HDAC9: variants seen among roughly 807,000 people sequenced by gnomAD.
HDAC9 encodes the protein MEF-2 interacting transcription repressor (MITR) protein.
In HDAC9, 41 loss-of-function variants were observed where a neutral mutation model predicts 139.4. That is an observed-to-expected ratio of 0.29 (90% confidence interval 0.23 to 0.38). HDAC9 has a LOEUF of 0.38. HDAC9 is among the 10% of genes least tolerant of loss of function. The pLI is 1.00. For missense variants in HDAC9, 1,147 were observed against 1,297.0 expected, an observed-to-expected ratio of 0.88 and a Z score of 1.78; for synonymous variants, 517 against 476.2, an observed-to-expected ratio of 1.09 and a Z score of -1.12.
chr7:18,123,585 C>A (rs535815473), intron 1 of HDAC9, among the ~76,000 whole-genome samples: 3 of 152,130 alleles, frequency 2.0e-5, no homozygotes, highest in Non-Finnish European at 4.4e-5. Flanking sequence ...TAGAATTTCA[C>A]TGGAGTAGAA....
chr7:18,170,029 T>C (rs1054094139), intron 2 of HDAC9, among the ~76,000 whole-genome samples: 3 of 152,188 alleles, frequency 2.0e-5, no homozygotes, highest in African/African-American at 7.2e-5. Context: ...CTTGAGGAAT[T>C]GCCACACTGT....
intron 1 of HDAC9, among the ~76,000 whole-genome samples, chr7:18,457,178 G>A (rs1261278319): frequency 6.6e-6 from 1 of 152,124 alleles, no homozygotes; most frequent in African/African-American, 2.4e-5. Context: ...TTGCTAATGA[G>A]AAAGAAGAGA....
At chr7:18,915,324 A>G (rs2129291808) in intron 22 of HDAC9, among the ~76,000 whole-genome samples, 1 of 152,086 alleles carries the variant, frequency 6.6e-6, no homozygotes, top group East Asian at 1.9e-4. Context: ...TAAACCCTAT[A>G]TTGCTATGGC....
chr7:18,421,867 G>A (rs542065153), intron 1 of HDAC9, among the ~76,000 whole-genome samples: 1 of 152,308 alleles, frequency 6.6e-6, no homozygotes, highest in South Asian at 2.1e-4. Context: ...GGTGGTTATT[G>A]TTTGTGGAAG....
intron 16 of HDAC9, among the ~76,000 whole-genome samples, chr7:18,784,943 T>TTGTGTG (rs147840943): frequency 0.014 from 399 of 28,168 alleles, 2 homozygotes; most frequent in African/African-American, 0.022. Flanking sequence ...TAGCAATTGC[T>TTGTGTG]TGTGTGTGTG....
upstream of HDAC9, among the ~76,000 whole-genome samples, chr7:18,288,684 T>G (rs1797609037): frequency 6.6e-6 from 1 of 152,182 alleles, no homozygotes; most frequent in African/African-American, 2.4e-5. Flanking sequence ...ACAAAATACT[T>G]GTTTTTAAAA....
At chr7:18,180,179 CTG>C (rs1435230634) in intron 2 of HDAC9, among the ~76,000 whole-genome samples, 5 of 151,236 alleles carry the variant, frequency 3.3e-5, no homozygotes, top group African/African-American at 1.2e-4. Context: ...TGTTTTTACA[CTG>C]TTTGTCATGC....
At chr7:18,818,704 G>C (rs1039351813) in intron 17 of HDAC9, among the ~76,000 whole-genome samples, 4 of 152,062 alleles carry the variant, frequency 2.6e-5, no homozygotes, top group African/African-American at 9.7e-5. Context: ...GGCTGATTCT[G>C]GTACACGATG....
chr7:18,515,489 A>T (rs1182758346), intron 2 of HDAC9, among the ~76,000 whole-genome samples: 1 of 152,112 alleles, frequency 6.6e-6, no homozygotes, highest in Non-Finnish European at 1.5e-5. Flanking sequence ...GCAGCTCCCA[A>T]AACATGAGGT....
At chr7:18,902,837 T>C (rs942079396) in intron 22 of HDAC9, among the ~76,000 whole-genome samples, 4 of 152,238 alleles carry the variant, frequency 2.6e-5, no homozygotes, top group Non-Finnish European at 5.9e-5. Context: ...AATATGTCTC[T>C]AGTTTACATG....
At chr7:18,412,014 G>C (rs1157462043) in intron 1 of HDAC9, among the ~76,000 whole-genome samples, 5 of 151,560 alleles carry the variant, frequency 3.3e-5, no homozygotes, top group Non-Finnish European at 5.9e-5. Context: ...TTTTGGTAGA[G>C]AAGGGGTTTC....
intron 2 of HDAC9, among the ~76,000 whole-genome samples, chr7:18,501,900 A>G (rs1411620615): frequency 6.6e-6 from 1 of 152,200 alleles, no homozygotes; most frequent in African/African-American, 2.4e-5. Context: ...ATAAAAGAAC[A>G]CTCTAGTCAA....
intron 1 of HDAC9, among the ~76,000 whole-genome samples, chr7:18,414,300 G>A (rs1273377310): frequency 6.6e-6 from 1 of 151,074 alleles, no homozygotes; most frequent in Admixed American, 6.6e-5. Flanking sequence ...ATTACCTGAT[G>A]TCCATTAAAG....
At position 18,829,236 on chromosome 7, in the gene HDAC9, G is replaced by T; in HGVS notation, c.2378+20G>T. ...AGCCATGTAAGTACCAGGGACTGTT[G>T]CCCATCTCCAAGCACCACGGTTCCT... On this transcript the variant is annotated intron_variant, in intron 18 of 25. Coordinates refer to ENST00000686413, the MANE Select transcript of HDAC9 (RefSeq NM_178425.4). 1 of 1,598,176 alleles carries T rather than the reference G, an allele frequency of 6.3e-7. No individual in the cohort carries two copies. Among genetic ancestry groups the T allele is most frequent in the Non-Finnish European group, 8.6e-7 (1 of 1,165,390 alleles).
intron 1 of HDAC9, among the ~76,000 whole-genome samples, chr7:18,376,864 T>C (rs1244632363): frequency 6.6e-6 from 1 of 152,116 alleles, no homozygotes; most frequent in African/African-American, 2.4e-5. Context: ...TACCATCCAG[T>C]TTATGGTATT....
intron 2 of HDAC9, among the ~76,000 whole-genome samples, chr7:18,223,011 A>G (rs949278154): frequency 6.6e-6 from 1 of 152,160 alleles, no homozygotes; most frequent in East Asian, 1.9e-4. Flanking sequence ...GTCCTTTTTG[A>G]CTAACTCTTT....
At chr7:18,124,899 CTTT>C (rs11433623) in intron 1 of HDAC9, among the ~76,000 whole-genome samples, 1 of 144,104 alleles carries the variant, frequency 6.9e-6, no homozygotes. Flanking sequence ...CTTTCTTTTT[CTTT>C]TTTTTTTTTT....
chr7:18,141,802 G>A (rs1785915387), intron 1 of HDAC9, among the ~76,000 whole-genome samples: 1 of 151,924 alleles, frequency 6.6e-6, no homozygotes, highest in Non-Finnish European at 1.5e-5. Flanking sequence ...CAATAAATTT[G>A]TTGAATTATT....
At chr7:18,144,194 G>A (rs1786124186) in intron 1 of HDAC9, among the ~76,000 whole-genome samples, 1 of 152,042 alleles carries the variant, frequency 6.6e-6, no homozygotes, top group South Asian at 2.1e-4. Flanking sequence ...ATAAAAAAAA[G>A]GATAAACAAG....
Sources: gnomAD v4.1 joint callset for allele counts (sites outside exome capture counted in the v4.1 genomes callset) on GRCh38, gnomAD v4.1.1 for gene constraint, MANE v1.5 for transcripts, NCBI Gene and HGNC (gene_info 2026-07-23, HGNC 2026-07-21) for gene names.